The following KIF16B variants were observed in gnomAD, a reference collection of about 807,000 sequenced individuals.
KIF16B encodes the protein kinesin family member 16B, also known as kinesin-like protein KIF16B.
In KIF16B, 98 loss-of-function variants were observed where a neutral mutation model predicts 156.3. That is an observed-to-expected ratio of 0.63 (90% CI 0.53 to 0.74). The LOEUF is 0.74. Ranked by LOEUF, KIF16B falls within the 30% of genes least tolerant of loss-of-function variation. The probability of loss-of-function intolerance (pLI) is 0.00; values close to 1 mark genes in which losing one functional copy is unlikely to be tolerated. For synonymous variants in KIF16B, 564 were observed against 583.7 expected, an observed-to-expected ratio of 0.97 and a Z score of 0.49; for missense variants, 1,421 against 1,606.5, an observed-to-expected ratio of 0.88 and a Z score of 1.97.
chr20:16,341,581 A>C (rs2064139945), intron 23 of KIF16B, among the ~76,000 whole-genome samples: 1 of 152,244 alleles, frequency 6.6e-6, no homozygotes, highest in East Asian at 1.9e-4. Flanking sequence ...ATAAACTCAC[A>C]TACAGACCTC....
At chr20:16,382,210 A>G (rs2065115622) in intron 17 of KIF16B, 2 of 906,276 alleles carry the variant, frequency 2.2e-6, no homozygotes, top group Admixed American at 2.9e-5. Context: ...ATAGGAAGGA[A>G]TATCAGGAGA....
At chr20:16,355,030 T>A (rs561778090) in intron 23 of KIF16B, among the ~76,000 whole-genome samples, 30 of 151,920 alleles carry the variant, frequency 2.0e-4, no homozygotes, top group Admixed American at 4.6e-4. Context: ...TGCCCTGTTT[T>A]TTTTTTTCTT....
intron 12 of KIF16B, among the ~76,000 whole-genome samples, chr20:16,483,881 C>T (rs915720663): frequency 1.3e-5 from 2 of 152,124 alleles, no homozygotes; most frequent in African/African-American, 4.8e-5. Flanking sequence ...TAAATGTGTT[C>T]CTGGGTGACA....
At chr20:16,361,475 C>T (rs919264565) in intron 22 of KIF16B, among the ~76,000 whole-genome samples, 1 of 152,220 alleles carries the variant, frequency 6.6e-6, no homozygotes, top group Non-Finnish European at 1.5e-5. Context: ...TTAATTAACA[C>T]TACACTGTCT....
intron 24 of KIF16B, among the ~76,000 whole-genome samples, chr20:16,333,738 C>A (rs2063988508): frequency 1.3e-5 from 2 of 152,134 alleles, no homozygotes; most frequent in Admixed American, 1.3e-4. Flanking sequence ...CTGGAGTTTT[C>A]TTTAAAAACA....
chr20:16,456,751 GGAT>G (rs2067223127), intron 12 of KIF16B, among the ~76,000 whole-genome samples: 1 of 152,014 alleles, frequency 6.6e-6, no homozygotes, highest in African/African-American at 2.4e-5. Context: ...CCCGAACCAT[GGAT>G]TCTGTGCCTG....
intron 1 of KIF16B, among the ~76,000 whole-genome samples, chr20:16,563,221 C>A (rs2071131445): frequency 6.6e-6 from 1 of 152,168 alleles, no homozygotes; most frequent in South Asian, 2.1e-4. Context: ...CGAAGGCAAG[C>A]TTCCTGGCCC....
chr20:16,506,793 T>A (rs2068793691), intron 7 of KIF16B, among the ~76,000 whole-genome samples: 2 of 152,026 alleles, frequency 1.3e-5, no homozygotes, highest in South Asian at 4.2e-4. Context: ...AATTTAAACC[T>A]CTTAGAAATG....
chr20:16,348,763 C>T (rs770212424), intron 23 of KIF16B, among the ~76,000 whole-genome samples: 11 of 152,118 alleles, frequency 7.2e-5, no homozygotes, highest in Non-Finnish European at 1.2e-4. Context: ...CTGTGAGGTA[C>T]AACAAAATTC....
chr20:16,486,359 C>T (rs937685422), intron 12 of KIF16B, among the ~76,000 whole-genome samples: 1 of 152,110 alleles, frequency 6.6e-6, no homozygotes, highest in African/African-American at 2.4e-5. Context: ...TTTTCAAACT[C>T]ATAGTAATGC....
At chr20:16,281,173 T>C (rs966373415) in intron 25 of KIF16B, among the ~76,000 whole-genome samples, 3 of 152,242 alleles carry the variant, frequency 2.0e-5, no homozygotes, top group African/African-American at 7.2e-5. Context: ...AATTTAAAGT[T>C]ACTGAAATTA....
chr20:16,531,270 A>G (rs1231989533), intron 1 of KIF16B, among the ~76,000 whole-genome samples: 1 of 152,238 alleles, frequency 6.6e-6, no homozygotes, highest in Non-Finnish European at 1.5e-5. Flanking sequence ...GAAAACTGTT[A>G]AAAGAAAGAA....
chr20:16,442,764 G>A (rs1234168008), intron 12 of KIF16B, among the ~76,000 whole-genome samples: 4 of 152,052 alleles, frequency 2.6e-5, no homozygotes, highest in East Asian at 3.9e-4. Flanking sequence ...TTGGTGCACA[G>A]CCTTTGTTTA....
chr20:16,323,625 C>G (rs1056892751), intron 24 of KIF16B, among the ~76,000 whole-genome samples: 1 of 151,912 alleles, frequency 6.6e-6, no homozygotes, highest in African/African-American at 2.4e-5. Context: ...CCTTTAGACT[C>G]CTGATAGGGT....
intron 12 of KIF16B, among the ~76,000 whole-genome samples, chr20:16,477,227 G>C (rs1416587585): frequency 1.8e-4 from 27 of 148,788 alleles, no homozygotes; most frequent in Non-Finnish European, 3.6e-4. Flanking sequence ...AAAAAGGTGG[G>C]GAAGACAGTG....
intron 12 of KIF16B, among the ~76,000 whole-genome samples, chr20:16,475,129 G>T (rs932541): frequency 0.38 from 57,671 of 151,986 alleles, 12,545 homozygotes; most frequent in African/African-American, 0.6. Flanking sequence ...TCTTCATCTC[G>T]AACTGAATAT....
intron 12 of KIF16B, among the ~76,000 whole-genome samples, chr20:16,436,395 T>C (rs971889212): frequency 1.3e-5 from 2 of 152,178 alleles, no homozygotes; most frequent in Non-Finnish European, 2.9e-5. Flanking sequence ...AGGGGTCCTC[T>C]TCCCAGGGGG....
chr20:16,366,168 G>A (rs538520698), intron 22 of KIF16B, among the ~76,000 whole-genome samples: 76 of 152,212 alleles, frequency 5.0e-4, no homozygotes, highest in Non-Finnish European at 3.1e-4. Flanking sequence ...GCTGACTACT[G>A]GGTGGAGCTT....
intron 25 of KIF16B, among the ~76,000 whole-genome samples, chr20:16,298,009 C>CT (rs1401638767): frequency 6.6e-6 from 1 of 152,162 alleles, no homozygotes; most frequent in African/African-American, 2.4e-5. Flanking sequence ...ATTCCATTGG[C>CT]TCCTGGTCCT....
Sources: allele counts gnomAD v4.1 joint callset (sites outside exome capture counted in the v4.1 genomes callset), GRCh38; gene constraint gnomAD v4.1.1; transcripts MANE v1.5; gene names NCBI Gene and HGNC (gene_info 2026-07-23, HGNC 2026-07-21).